The following CFAP221 variants were observed in gnomAD, a reference collection of about 807,000 sequenced individuals.
CFAP221 encodes cilia and flagella associated protein 221.
CFAP221 carries 97 observed loss-of-function variants against 113.1 expected under a neutral mutation model. The ratio of observed to expected loss-of-function variants is 0.86; its 90% CI spans 0.73 to 1.02. The LOEUF (loss-of-function observed/expected upper bound fraction) is 1.02, where lower values mean the gene tolerates loss of function less well. Ranked by LOEUF, CFAP221 falls within the 50% of genes least tolerant of loss-of-function variation. The pLI is 0.00. For missense variants in CFAP221, 1,025 were observed against 1,013.4 expected (o/e 1.01, Z -0.16); for synonymous variants, 331 against 354.4 (o/e 0.93, Z 0.74).
intron 11 of CFAP221, among the ~76,000 whole-genome samples, chr2:119,606,973 C>T (rs1377322101): frequency 6.6e-6 from 1 of 152,122 alleles, no homozygotes. Context: ...CAGGAAGCTT[C>T]ACCCCAAAAT....
intron 6 of CFAP221, chr2:119,580,545 A>G (rs926170495): frequency 1.3e-5 from 2 of 152,144 alleles, no homozygotes; most frequent in African/African-American, 4.8e-5. Context: ...TTCAGAGTGT[A>G]GATCTCTCAA....
rs185174601 is a variant in CFAP221 at position 119,548,861 on chromosome 2, T to C, written c.140-224T>C. Among the ~76,000 whole-genome samples, 12 of 152,360 alleles carry C rather than the reference T, an allele frequency of 7.9e-5. No individual in the cohort carries two copies. The East Asian group carries it at 1.5e-3, about 20-fold the overall frequency. On this transcript the variant is annotated intron_variant, in intron 2 of 23. Transcript: ENST00000413369. ...ACAGACAATCTACCTGACTTTGTAT[T>C]GTAATGATAGTATCTCCCAAGTGAT...
At chr2:119,628,534 A>G (rs990920394) in intron 16 of CFAP221, among the ~76,000 whole-genome samples, 1 of 152,184 alleles carries the variant, frequency 6.6e-6, no homozygotes, top group African/African-American at 2.4e-5. Context: ...TCAAATGAGG[A>G]AACTGAAGCA....
chr2:119,575,683 A>G (rs1471359240), intron 6 of CFAP221, among the ~76,000 whole-genome samples: 1 of 152,220 alleles, frequency 6.6e-6, no homozygotes, highest in Non-Finnish European at 1.5e-5. Flanking sequence ...TAGTTTCACA[A>G]TAGCATGGCT....
chr2:119,565,536 C>A (rs1253703532), intron 6 of CFAP221, among the ~76,000 whole-genome samples: 1 of 152,052 alleles, frequency 6.6e-6, no homozygotes, highest in Non-Finnish European at 1.5e-5. Flanking sequence ...AAAAATGTAC[C>A]AACCTCCCTA....
intron 14 of CFAP221, among the ~76,000 whole-genome samples, chr2:119,618,370 T>C (rs964582767): frequency 6.6e-6 from 1 of 152,208 alleles, no homozygotes; most frequent in Non-Finnish European, 1.5e-5. Context: ...GATTTCTGCA[T>C]TTCCAACTGA....
At chr2:119,646,935 C>G (rs1286798933) in intron 21 of CFAP221, 23 bp from the exon 22 acceptor site, 1 of 1,590,926 alleles carries the variant, frequency 6.3e-7, no homozygotes. Context: ...CTATCTTTGA[C>G]TGCTTGTGTG....
intron 14 of CFAP221, among the ~76,000 whole-genome samples, chr2:119,624,382 G>T (rs1458199755): frequency 6.6e-6 from 1 of 152,228 alleles, no homozygotes; most frequent in Non-Finnish European, 1.5e-5. Context: ...AGATGCTGGA[G>T]AGGATGTGGA....
chr2:119,633,307 G>T (rs965885804), intron 19 of CFAP221, among the ~76,000 whole-genome samples: 5 of 149,414 alleles, frequency 3.3e-5, no homozygotes, highest in African/African-American at 1.2e-4. Context: ...ATTAGACAAA[G>T]ATTTCTTAGA....
intron 6 of CFAP221, among the ~76,000 whole-genome samples, chr2:119,571,472 T>G (rs935511595): frequency 2.7e-5 from 4 of 150,724 alleles, no homozygotes; most frequent in African/African-American, 9.8e-5. Flanking sequence ...CTTTTTTTCT[T>G]GAGACAGAGT....
chr2:119,644,996 C>CGCT (rs1553496217), intron 21 of CFAP221, among the ~76,000 whole-genome samples: 12 of 125,574 alleles, frequency 9.6e-5, no homozygotes, highest in African/African-American at 3.3e-4. Flanking sequence ...TCCAGGTCCC[C>CGCT]CCCCCCACCC....
intron 6 of CFAP221, among the ~76,000 whole-genome samples, chr2:119,583,062 A>T (rs1682957628): frequency 6.6e-6 from 1 of 152,174 alleles, no homozygotes; most frequent in Non-Finnish European, 1.5e-5. Flanking sequence ...CTTTCTGGAG[A>T]CACACCTAAA....
chr2:119,611,586 G>C, intron 12 of CFAP221, 67 bp from the exon 13 acceptor site: 1 of 1,443,850 alleles, frequency 6.9e-7, no homozygotes, highest in Non-Finnish European at 9.6e-7. Context: ...GTTTCTACAA[G>C]TTTTAAAGAC....
At chr2:119,602,038 C>T (rs1446696581) in intron 8 of CFAP221, among the ~76,000 whole-genome samples, 1 of 152,066 alleles carries the variant, frequency 6.6e-6, no homozygotes, top group African/African-American at 2.4e-5. Context: ...ATGTCAGTAC[C>T]TCTGGTTAAC....
At position 119,586,983 on chromosome 2, in the gene CFAP221, GCA is replaced by G. The variant is rs1683267083; in HGVS notation, c.528-131_528-130del. ...TGGGAAATGCATGGGGTTACTCCTGGCACACAGGAAGTGCCAGATCAGCATTG... is the reference window on the plus strand; with the variant it reads ...TGGGAAATGCATGGGGTTACTCCTGGCACAGGAAGTGCCAGATCAGCATTG... On this transcript the variant is annotated intron_variant, in intron 6 of 23. Transcript: ENST00000413369. The G allele has an allele frequency of 5.2e-6, 3 of 581,186 alleles. No individual in the cohort carries two copies. In the East Asian group the frequency reaches 9.1e-5, roughly 18 times the overall value. 36.0% of individuals were successfully genotyped at this position (581,186 alleles called of 1,614,324 possible).
chr2:119,615,081 A>G (rs1321614917), intron 13 of CFAP221, among the ~76,000 whole-genome samples: 2 of 152,204 alleles, frequency 1.3e-5, no homozygotes, highest in East Asian at 3.8e-4. Context: ...TAATTTCCTT[A>G]TTCAAGAACC....
chr2:119,646,879 A>G, intron 21 of CFAP221, 79 bp from the exon 22 acceptor site: 4 of 1,311,288 alleles, frequency 3.1e-6, no homozygotes, highest in Non-Finnish European at 3.2e-6. Flanking sequence ...TAAAATAAAA[A>G]TTCTTTAGAA....
chr2:119,625,232 T>A (rs896055998), intron 14 of CFAP221, among the ~76,000 whole-genome samples: 2 of 152,146 alleles, frequency 1.3e-5, no homozygotes, highest in African/African-American at 4.8e-5. Context: ...CCTTCAACTC[T>A]GAAAATAGCA....
At chr2:119,597,039 A>G (rs1684031511) in intron 7 of CFAP221, among the ~76,000 whole-genome samples, 1 of 152,196 alleles carries the variant, frequency 6.6e-6, no homozygotes, top group Non-Finnish European at 1.5e-5. Flanking sequence ...TAAGTTTTTC[A>G]AAGAAATATT....
Sources: allele counts gnomAD v4.1 joint callset (sites outside exome capture counted in the v4.1 genomes callset), GRCh38; gene constraint gnomAD v4.1.1; transcripts MANE v1.5; gene names NCBI Gene and HGNC (gene_info 2026-07-23, HGNC 2026-07-21).